The following TAF8 variants were observed in gnomAD, a reference collection of about 807,000 sequenced individuals.
TAF8 encodes the protein transcription initiation factor TFIID subunit 8.
TAF8 carries 47 observed loss-of-function variants against 36.5 expected under a neutral mutation model. The ratio of observed to expected loss-of-function variants is 1.29; its 90% CI spans 1.02 to 1.64. The LOEUF (loss-of-function observed/expected upper bound fraction) is 1.64. TAF8 is among the 40% of genes most tolerant of loss of function. The pLI is 0.00. For missense variants in TAF8, 420 were observed against 407.6 expected (o/e 1.03, Z -0.26); for synonymous variants, 175 against 159.5 (o/e 1.10, Z -0.73).
At chr6:42,055,821 C>A in intron 3 of TAF8, 131 bp from the exon 4 acceptor site, 1 of 770,022 alleles carries the variant, frequency 1.3e-6, no homozygotes, top group South Asian at 1.6e-5. Context: ...GGGAATTCTG[C>A]CAGAGCTTCT....
At chr6:42,066,608 G>A (rs1032912092) in intron 6 of TAF8, 149 bp downstream of exon 6, 29 of 896,150 alleles carry the variant, frequency 3.2e-5, no homozygotes, top group Non-Finnish European at 4.6e-5. Flanking sequence ...CCCTTCCCCA[G>A]GTCTTAAGAG....
chr6:42,056,309 G>A, intron 4 of TAF8: 3 of 306,360 alleles, frequency 9.8e-6, no homozygotes, highest in South Asian at 3.4e-5. Flanking sequence ...CTTAGATTAA[G>A]GGTTGGTAAA....
rs200093087 is a variant in TAF8, at chr6:42,051,389, C to G, written c.78C>G (p.Ala26=). 6 of 1,613,968 alleles carry G rather than the reference C, an allele frequency of 3.7e-6. No homozygotes were observed. Among genetic ancestry groups the G allele is most frequent in the South Asian group, 1.1e-5 (1 of 91,068 alleles). ...GAAGTAAACAGTCCACTAACCCTGC[C>G]GATAACTATCATCTGGCCCGGAGGA... The part of the protein sequence containing the change: ...RSGSKQSTNP[A]DNYHLARRRT... Residue 26 remains alanine (A), a synonymous_variant, in exon 2 of 9, where the codon GCC becomes GCG. Coordinates refer to ENST00000372977, the MANE Select transcript of TAF8 (RefSeq NM_138572.3).
At position 42,051,011 on chromosome 6, in the gene TAF8, C is replaced by G. The variant is rs1161836383; in HGVS notation, c.46-346C>G. ...AATGAAATGGTGTGAAGATGGGAGG[C>G]ACAAGAGAGGGATCCTGTTTTTTCT... On this transcript the variant is annotated intron_variant, in intron 1 of 8. Transcript: ENST00000372977. 3 of 1,084,894 alleles carry G rather than the reference C, an allele frequency of 2.8e-6. No individual in the cohort carries two copies. In the African/African-American group the frequency reaches 5.0e-5, roughly 18 times the overall value. The allele number at this position is 1,084,894 out of a possible 1,614,324, so 67.2% of individuals were successfully genotyped here.
At chr6:42,071,309 T>TA (rs1765558657) in intron 7 of TAF8, 1 of 191,684 alleles carries the variant, frequency 5.2e-6, no homozygotes, top group Non-Finnish European at 1.0e-5. Context: ...TGCCTGGACA[T>TA]ACTTTTTTTT....
chr6:42,073,318 C>T (rs1389084144), intron 7 of TAF8, among the ~76,000 whole-genome samples: 1 of 152,136 alleles, frequency 6.6e-6, no homozygotes, highest in Non-Finnish European at 1.5e-5. Context: ...TAGTATGTGC[C>T]AGATATTTTT....
intron 6 of TAF8, among the ~76,000 whole-genome samples, 170 bp from the exon 7 acceptor site, chr6:42,068,295 A>G (rs1048013357): frequency 6.6e-6 from 1 of 152,194 alleles, no homozygotes; most frequent in Non-Finnish European, 1.5e-5. Flanking sequence ...GAAAGATAAC[A>G]TGAGTAAAGC....
Position 42,068,568 on chromosome 6 carries a change from A to G in TAF8, c.741A>G (p.Glu247=). 1 of 1,613,916 alleles carries G rather than the reference A, an allele frequency of 6.2e-7. No homozygotes were observed. Among genetic ancestry groups the G allele is most frequent in the Non-Finnish European group, 8.5e-7 (1 of 1,180,034 alleles). The change falls in exon 7 of 9, where the codon GAA becomes GAG. Residue 247 remains glutamate, a synonymous_variant. Transcript: ENST00000372977. ...AGACAGATTCCTCGGAGCAGGATGA[A>G]CAGACAGACACAGAGAACCTTGCTC... ...MEETDSSEQD[E]QTDTENLALH... is the part of the protein sequence containing the mutation.
intron 7 of TAF8, among the ~76,000 whole-genome samples, chr6:42,069,201 G>A (rs1470383705): frequency 6.6e-6 from 1 of 152,134 alleles, no homozygotes. Context: ...GGGTCTTAAA[G>A]GTTAGATTAG....
At position 42,077,109 on chromosome 6, in the gene TAF8, G is replaced by GGAGCCGAGAAGGAGAACACCTCTGTCCT. The variant is rs762054937; in HGVS notation, c.792_819dup (p.Gln274SerfsTer18). 1.2e-5 allele frequency: 19 copies of GGAGCCGAGAAGGAGAACACCTCTGTCCT among 1,612,444 alleles called. No homozygotes were observed. Among genetic ancestry groups the GGAGCCGAGAAGGAGAACACCTCTGTCCT allele is most frequent in the Non-Finnish European group, 1.6e-5 (19 of 1,179,032 alleles). ...TGGCTTTTGCTCAAAGGAGGATTCT[G>GGAGCCGAGAAGGAGAACACCTCTGTCCT]GAGCCGAGAAGGAGAACACCTCTGT... is the stretch of plus-strand genomic sequence containing the variant. On this transcript the variant is annotated frameshift_variant, in exon 8 of 9. Coordinates refer to ENST00000372977, the MANE Select transcript of TAF8 (RefSeq NM_138572.3). LOFTEE classifies it high-confidence loss of function.
intron 2 of TAF8, among the ~76,000 whole-genome samples, chr6:42,052,109 A>G (rs1164689603): frequency 1.3e-5 from 2 of 152,190 alleles, no homozygotes; most frequent in Non-Finnish European, 2.9e-5. Flanking sequence ...CTGAAATGGG[A>G]TAACAGTTTC....
chr6:42,085,424 G>A (rs929108500), downstream of TAF8, among the ~76,000 whole-genome samples: 17 of 152,188 alleles, frequency 1.1e-4, no homozygotes, highest in African/African-American at 3.9e-4. Flanking sequence ...CTGAATGTTT[G>A]TGTCCCCTCA....
At chr6:42,068,093 C>T (rs1490553451) in intron 6 of TAF8, among the ~76,000 whole-genome samples, 5 of 152,178 alleles carry the variant, frequency 3.3e-5, no homozygotes, top group Admixed American at 3.3e-4. Context: ...GGTGCAGGAT[C>T]TCAAAACTTA....
intron 5 of TAF8, among the ~76,000 whole-genome samples, chr6:42,062,529 CTTTTTTTTTTT>C (rs1174119617): frequency 2.5e-5 from 2 of 78,732 alleles, no homozygotes; most frequent in Non-Finnish European, 4.5e-5. Flanking sequence ...TTAAGACAAT[CTTTTTTTTTTT>C]TTTTTTTTTT....
chr6:42,069,950 A>G (rs1050913341), intron 7 of TAF8, among the ~76,000 whole-genome samples: 6 of 152,154 alleles, frequency 3.9e-5, no homozygotes, highest in Non-Finnish European at 8.8e-5. Context: ...GAAAAGAGCA[A>G]TTAGCTGTGT....
At chr6:42,050,950 C>T (rs1036010924) in intron 1 of TAF8, 1 of 1,113,440 alleles carries the variant, frequency 9.0e-7, no homozygotes, top group Non-Finnish European at 1.1e-6. Flanking sequence ...CCTCTCCTCG[C>T]GGTCACCTCT....
At chr6:42,066,175 A>T in intron 5 of TAF8, 137 bp from the exon 6 acceptor site, 1 of 1,052,486 alleles carries the variant, frequency 9.5e-7, no homozygotes, top group Non-Finnish European at 1.4e-6. Flanking sequence ...TGCTGGGATT[A>T]CAGGTGTGAG....
intron 7 of TAF8, among the ~76,000 whole-genome samples, chr6:42,069,703 G>A (rs1765492990): frequency 1.3e-5 from 2 of 152,070 alleles, no homozygotes; most frequent in African/African-American, 4.8e-5. Flanking sequence ...GGAGTTTGAG[G>A]AGCAGTTAGG....
chr6:42,080,650 T>C lies in TAF8; in HGVS notation c.*3105T>C. 1 of 978,070 alleles carries C rather than the reference T, an allele frequency of 1.0e-6. No individual in the cohort carries two copies. Among genetic ancestry groups the C allele is most frequent in the Non-Finnish European group, 1.2e-6 (1 of 823,282 alleles). 60.6% of individuals were successfully genotyped at this position (978,070 alleles called of 1,614,324 possible). ...CTCGGCCTCCCAGTGTGGGTGGGAT[T>C]ACAGGCATGAGCCACCGCGCCTGGC... On this transcript the variant is annotated 3_prime_UTR_variant, in exon 9 of 9. Transcript: ENST00000372977.
Sources: allele counts gnomAD v4.1 joint callset (sites outside exome capture counted in the v4.1 genomes callset), GRCh38; gene constraint gnomAD v4.1.1; transcripts MANE v1.5; gene names NCBI Gene and HGNC (gene_info 2026-07-23, HGNC 2026-07-21).